Variants in DERA observed in about 807,000 individuals in gnomAD.
The protein encoded by DERA is 2-deoxy-D-ribose 5-phosphate aldolase.
A neutral mutation model predicts 41.1 loss-of-function variants in DERA; 15 were observed. The observed-to-expected ratio is 0.37, with a 90% CI of 0.24 to 0.56. The LOEUF (loss-of-function observed/expected upper bound fraction) is 0.56. Among genes scored for constraint, DERA ranks in the 20% least tolerant of loss-of-function variants. The probability of loss-of-function intolerance (pLI) is 0.81; values close to 1 mark genes in which losing one functional copy is unlikely to be tolerated. For synonymous variants in DERA, 139 were observed against 137.4 expected, an observed-to-expected ratio of 1.01 and a Z score of -0.08; for missense variants, 396 against 403.4, an observed-to-expected ratio of 0.98 and a Z score of 0.16.
chr12:15,963,756 G>A (rs1490843951), intron 5 of DERA, among the ~76,000 whole-genome samples: 2 of 152,016 alleles, frequency 1.3e-5, no homozygotes, highest in Non-Finnish European at 1.5e-5. Flanking sequence ...TACTAATTAT[G>A]GAGGCTATTC....
intron 5 of DERA, among the ~76,000 whole-genome samples, chr12:15,971,307 CG>C (rs1450513775): frequency 2.0e-5 from 3 of 152,136 alleles, no homozygotes; most frequent in African/African-American, 7.2e-5. Context: ...TGATAGCCAG[CG>C]TTACCAAATC....
At chr12:15,926,457 C>T (rs1948284124) in intron 1 of DERA, among the ~76,000 whole-genome samples, 2 of 152,256 alleles carry the variant, frequency 1.3e-5, no homozygotes, top group South Asian at 4.1e-4. Context: ...AGAGAATTGG[C>T]CGGGCGCGGT....
rs563626520 is a variant in DERA, at chr12:15,948,285, T to A, written c.32-8651T>A. Among the ~76,000 whole-genome samples, 249 of 152,346 alleles carry A rather than the reference T, an allele frequency of 1.6e-3. 1 individual carries two copies. Among genetic ancestry groups the A allele is most frequent in the African/African-American group, 4.4e-3 (182 of 41,582 alleles). On this transcript the variant is annotated intron_variant, in intron 1 of 8. Transcript: ENST00000428559. ...GTTGGGGAAGTTCTCCTGGATAATA[T>A]CCTGCAGAGTGTTTTCCAACTTGGT...
intron 1 of DERA, among the ~76,000 whole-genome samples, chr12:15,937,298 G>T (rs570736961): frequency 6.6e-6 from 1 of 152,232 alleles, no homozygotes; most frequent in African/African-American, 2.4e-5. Flanking sequence ...AACTTGATTC[G>T]ATTCAGATTA....
chr12:15,992,705 G>C lies in DERA; in HGVS notation c.637+10269G>C, dbSNP rs1317295074. On this transcript the variant is annotated intron_variant, in intron 6 of 8. Coordinates refer to ENST00000428559, the MANE Select transcript of DERA (RefSeq NM_015954.4). This position sits in a 1 kb window ranked among gnomAD's most constrained non-coding sequence, Gnocchi z 4.3. Reference sequence around the variant, plus strand: ...GGAAACATACTTACAGAAAAGAGAAGTGTAAAGCAGGTCAATCTACTGCTA... The same window carrying C: ...GGAAACATACTTACAGAAAAGAGAACTGTAAAGCAGGTCAATCTACTGCTA... 1.3e-5 allele frequency among the ~76,000 whole-genome samples: 2 copies of C among 152,126 alleles called. No homozygotes were observed. Among genetic ancestry groups the C allele is most frequent in the East Asian group, 3.8e-4 (2 of 5,198 alleles).
In DERA at chr12:15,954,466, A is replaced by G. The variant is rs1948522535; in HGVS notation, c.32-2470A>G. ...GAGGTTCAGGGAAGGCTCCCAGAGA[A>G]GGTGACATTTGAATCGACTCTTAAA... On this transcript the variant is annotated intron_variant, in intron 1 of 8. Transcript: ENST00000428559. The surrounding 1 kb of genome is among the most constrained non-coding windows in gnomAD (Gnocchi z 4.0). Among the ~76,000 whole-genome samples the G allele has an allele frequency of 6.6e-6, 1 of 152,202 alleles. No individual in the cohort carries two copies. The highest frequency in any genetic ancestry group is 1.5e-5 in the Non-Finnish European group (1 of 68,026).
At chr12:16,028,821 C>A (rs1161957912) in intron 6 of DERA, among the ~76,000 whole-genome samples, 1 of 152,138 alleles carries the variant, frequency 6.6e-6, no homozygotes, top group Non-Finnish European at 1.5e-5. Flanking sequence ...CTGACCAGTA[C>A]TTTCAAAACT....
At chr12:15,917,508 C>T (rs1359527739) in intron 1 of DERA, among the ~76,000 whole-genome samples, 1 of 152,058 alleles carries the variant, frequency 6.6e-6, no homozygotes, top group Non-Finnish European at 1.5e-5. Context: ...TCTTTTAATT[C>T]TCCCAGGAAT....
At chr12:15,987,748 C>T (rs773266997) in intron 6 of DERA, among the ~76,000 whole-genome samples, 19 of 151,978 alleles carry the variant, frequency 1.3e-4, no homozygotes, top group East Asian at 9.7e-4. Context: ...TTTAGGGTGT[C>T]GCTTTGCCAG....
rs1298044381 is a variant in DERA at position 16,008,711 on chromosome 12, T to C, written c.638-23831T>C. Among the ~76,000 whole-genome samples, 1 of 152,166 alleles carries C rather than the reference T, an allele frequency of 6.6e-6. No homozygotes were observed. The highest frequency in any genetic ancestry group is 2.4e-5 in the African/African-American group (1 of 41,438). The stretch of plus-strand genomic sequence containing the variant: ...GTCACCGCTGTTGGCTCATCATTAG[T>C]GTCAGGATTGGGGCCGCTCTTGGCA... On this transcript the variant is annotated intron_variant, in intron 6 of 8. Transcript: ENST00000428559. The surrounding 1 kb of genome is among the most constrained non-coding windows in gnomAD (Gnocchi z 4.8).
At chr12:15,980,614 A>G (rs1948726354) in intron 5 of DERA, among the ~76,000 whole-genome samples, 1 of 152,062 alleles carries the variant, frequency 6.6e-6, no homozygotes, top group Admixed American at 6.5e-5. Context: ...CATAAGTAGG[A>G]TGATTTTCTC....
rs963723061 is a variant in DERA, at chr12:15,993,018, T to A, written c.637+10582T>A. 6.6e-6 allele frequency among the ~76,000 whole-genome samples: 1 copy of A among 152,094 alleles called. No individual in the cohort carries two copies. Among genetic ancestry groups the A allele is most frequent in the African/African-American group, 2.4e-5 (1 of 41,408 alleles). On this transcript the variant is annotated intron_variant, in intron 6 of 8. Coordinates refer to ENST00000428559, the MANE Select transcript of DERA (RefSeq NM_015954.4). This position sits in a 1 kb window ranked among gnomAD's most constrained non-coding sequence, Gnocchi z 4.4. ...TATGGGGCTTGAGAAAAGCAGACCT[T>A]GAAGGAATACAAAATGAGTTTTGAA...
In DERA at chr12:15,928,583, T is replaced by G. The variant is rs954497594; in HGVS notation, c.31+17169T>G. ...CAGCTGATGGCAAGGACAGCCCTTA[T>G]GAAGTAGGGGAGATTTTGCCTGTGG... is the stretch of plus-strand genomic sequence containing the variant. On this transcript the variant is annotated intron_variant, in intron 1 of 8. Coordinates refer to ENST00000428559, the MANE Select transcript of DERA (RefSeq NM_015954.4). This position sits in a 1 kb window ranked among gnomAD's most constrained non-coding sequence, Gnocchi z 4.6. Among the ~76,000 whole-genome samples, 1 of 152,214 alleles carries G rather than the reference T, an allele frequency of 6.6e-6. No individual in the cohort carries two copies. Among genetic ancestry groups the G allele is most frequent in the African/African-American group, 2.4e-5 (1 of 41,470 alleles).
intron 5 of DERA, among the ~76,000 whole-genome samples, chr12:15,969,543 CT>C (rs1948646107): frequency 6.6e-6 from 1 of 152,222 alleles, no homozygotes; most frequent in Non-Finnish European, 1.5e-5. Context: ...GCCTCATGTA[CT>C]TTTCATCTCC....
intron 1 of DERA, among the ~76,000 whole-genome samples, chr12:15,942,059 C>G (rs549579451): frequency 1.3e-5 from 2 of 152,186 alleles, no homozygotes; most frequent in South Asian, 4.1e-4. Flanking sequence ...GTCATTCTTG[C>G]AGGAGTAAAG....
Position 16,008,339 on chromosome 12 carries a change from C to G in DERA, c.638-24203C>G, listed in dbSNP as rs1948926654. On this transcript the variant is annotated intron_variant, in intron 6 of 8. Transcript: ENST00000428559. The surrounding 1 kb of genome is among the most constrained non-coding windows in gnomAD (Gnocchi z 4.8). ...TTCTCAAATCTCTCCTGCCTTGGTC[C>G]TTTCCTTCCACATTTTATTCAGTTG... Among the ~76,000 whole-genome samples, 1 of 152,208 alleles carries G rather than the reference C, an allele frequency of 6.6e-6. No homozygotes were observed. Among genetic ancestry groups the G allele is most frequent in the African/African-American group, 2.4e-5 (1 of 41,454 alleles).
At chr12:15,956,630 C>G (rs992746619) in intron 1 of DERA, 1 of 422,974 alleles carries the variant, frequency 2.4e-6, no homozygotes, top group African/African-American at 2.1e-5. Flanking sequence ...TTTCCCACGT[C>G]GTTAGACATG....
rs1329876260 is a variant in DERA, at chr12:16,001,163, C to T, written c.637+18727C>T. Among the ~76,000 whole-genome samples the T allele has an allele frequency of 1.3e-5, 2 of 152,160 alleles. No individual in the cohort carries two copies. The highest frequency in any genetic ancestry group is 2.4e-5 in the African/African-American group (1 of 41,422). On this transcript the variant is annotated intron_variant, in intron 6 of 8. Coordinates refer to ENST00000428559, the MANE Select transcript of DERA (RefSeq NM_015954.4). This position sits in a 1 kb window ranked among gnomAD's most constrained non-coding sequence, Gnocchi z 4.1. ...TTCTTCCTGCTAAAATTCGGGCTCC[C>T]ATTAGAGGATGGGTCAGTAGGTGCA...
In DERA at chr12:15,954,297, G is replaced by C. The variant is rs1948521174; in HGVS notation, c.32-2639G>C. Among the ~76,000 whole-genome samples the C allele has an allele frequency of 6.6e-6, 1 of 152,124 alleles. No individual in the cohort carries two copies. The highest frequency in any genetic ancestry group is 2.4e-5 in the African/African-American group (1 of 41,420). ...TTATCGTATGCCACCCGTGCGTCAG[G>C]TCCTTCGCTTGGAGTTTTAAAAAAT... On this transcript the variant is annotated intron_variant, in intron 1 of 8. Coordinates refer to ENST00000428559, the MANE Select transcript of DERA (RefSeq NM_015954.4). This position sits in a 1 kb window ranked among gnomAD's most constrained non-coding sequence, Gnocchi z 4.0.
Sources: gnomAD v4.1 joint callset for allele counts (sites outside exome capture counted in the v4.1 genomes callset) on GRCh38, gnomAD v4.1.1 for gene constraint, Gnocchi (gnomAD v3.1) non-coding constraint, MANE v1.5 for transcripts, NCBI Gene and HGNC (gene_info 2026-07-23, HGNC 2026-07-21) for gene names.